The following MYCBP2 variants were observed in gnomAD, a reference collection of about 807,000 sequenced individuals.
MYCBP2 encodes the protein MYC binding protein 2.
MYCBP2 carries 120 observed loss-of-function variants against 525.3 expected under a neutral mutation model. The observed-to-expected ratio is 0.23, with a 90% CI of 0.20 to 0.27. MYCBP2 has a LOEUF of 0.27. MYCBP2 is among the 10% of genes least tolerant of loss of function. The pLI is 1.00. For synonymous variants in MYCBP2, 1,894 were observed against 1,955.8 expected (o/e 0.97, Z 0.83); for missense variants, 4,149 against 5,657.1 (o/e 0.73, Z 8.55).
Position 77,181,844 on chromosome 13 carries a change from C to T in MYCBP2, c.4798G>A (p.Val1600Ile). The T allele has an allele frequency of 6.2e-7, 1 of 1,614,078 alleles. No individual in the cohort carries two copies. Among genetic ancestry groups the T allele is most frequent in the Non-Finnish European group, 8.5e-7 (1 of 1,180,024 alleles). ...AVMSALCHTS[V>I]KLTSIFPIAY... ...ATCGGGAAGATGGAAGTCAGCTTAA[C>T]AGACGTGTGACACAGAGCTGACATA... The change falls in exon 33 of 83, where the codon GTT becomes ATT. Residue 1600 changes from valine (V) to isoleucine (I), a missense_variant. Val to Ile is a conservative substitution (Grantham distance 29). Transcript: ENST00000544440.
In MYCBP2 at chr13:77,165,424, TA is replaced by T. The variant is rs570500767; in HGVS notation, c.6341-34del. The T allele has an allele frequency of 5.4e-4, 788 of 1,449,602 alleles. 11 individuals are homozygous for T. In the South Asian group the frequency reaches 9.3e-3, roughly 17 times the overall value. 89.8% of individuals were successfully genotyped at this position (1,449,602 alleles called of 1,614,324 possible). A position where few individuals can be genotyped will look rare whatever the true frequency, so the allele number is the denominator to read the frequency against. On this transcript the variant is annotated intron_variant, in intron 41 of 82. Transcript: ENST00000544440. ...AAATGCCAGAATTGAGTTCAAACTC[TA>T]AAACAATTTTATAAAAATTTCCCTG...
At chr13:77,286,882 A>C (rs1165837059) in intron 3 of MYCBP2, among the ~76,000 whole-genome samples, 2 of 135,978 alleles carry the variant, frequency 1.5e-5, no homozygotes, top group Non-Finnish European at 3.1e-5. Flanking sequence ...GTAGTTCTAT[A>C]ATACAGGTTT....
rs1206101592 is a variant in MYCBP2 at position 77,205,383 on chromosome 13, C to T, written c.3716G>A (p.Ser1239Asn). 2 of 1,613,002 alleles carry T rather than the reference C, an allele frequency of 1.2e-6. No homozygotes were observed. Among genetic ancestry groups the T allele is most frequent in the South Asian group, 1.1e-5 (1 of 90,830 alleles). ...EDYSVVNRFE[S>N]HGGGWGYSAH... is the part of the protein sequence containing the mutation. ...AGAATAACCCCAGCCTCCTCCATGA[C>T]CTAGAATATATAAATCATAATCTAT... The change falls in exon 26 of 83, where the codon AGT becomes AAT. Residue 1239 changes from serine to asparagine, a missense_variant and splice_region_variant. By Grantham distance (46) the Ser-to-Asn change is conservative. Coordinates refer to ENST00000544440, the MANE Select transcript of MYCBP2 (RefSeq NM_015057.5).
Position 77,180,145 on chromosome 13 carries a change from C to A in MYCBP2, c.5115G>T (p.Ala1705=). 6.2e-7 allele frequency: 1 copy of A among 1,613,792 alleles called. No individual in the cohort carries two copies. The highest frequency in any genetic ancestry group is 8.5e-7 in the Non-Finnish European group (1 of 1,179,800). The change falls in exon 34 of 83, where the codon GCG becomes GCT. Residue 1705 remains alanine, a synonymous_variant. Coordinates refer to ENST00000544440, the MANE Select transcript of MYCBP2 (RefSeq NM_015057.5). Reference sequence around the variant, plus strand: ...GTATTACCTCAGATCCCAGGGCTGACGCTGTCAGTTCACTGACAATGCTGG... The same window carrying A: ...GTATTACCTCAGATCCCAGGGCTGAAGCTGTCAGTTCACTGACAATGCTGG... ...LLASIVSELT[A]SALGSEVDGL...
Position 77,168,420 on chromosome 13 carries a change from G to A in MYCBP2, c.6114+8C>T. 1 of 1,612,472 alleles carries A rather than the reference G, an allele frequency of 6.2e-7. No individual in the cohort carries two copies. Among genetic ancestry groups the A allele is most frequent in the Non-Finnish European group, 8.5e-7 (1 of 1,178,686 alleles). On this transcript the variant is annotated splice_region_variant and intron_variant, in intron 40 of 82. Coordinates refer to ENST00000544440, the MANE Select transcript of MYCBP2 (RefSeq NM_015057.5). ...TACATTCGAATCACACTAAGAACCGGTGCCTACCTTGTAATGCATCACACA... is the reference window on the plus strand; with the variant it reads ...TACATTCGAATCACACTAAGAACCGATGCCTACCTTGTAATGCATCACACA...
At chr13:77,145,681 T>C (rs970851876) in intron 48 of MYCBP2, among the ~76,000 whole-genome samples, 2 of 152,126 alleles carry the variant, frequency 1.3e-5, no homozygotes, top group Non-Finnish European at 2.9e-5. Flanking sequence ...TTTTAAGTAG[T>C]ACTGTTCCTA....
At chr13:77,069,382 G>T (rs2040743997) in intron 69 of MYCBP2, among the ~76,000 whole-genome samples, 1 of 152,156 alleles carries the variant, frequency 6.6e-6, no homozygotes, top group South Asian at 2.1e-4. Flanking sequence ...CAGCAATTTG[G>T]GAGGCCGAGG....
intron 1 of MYCBP2, among the ~76,000 whole-genome samples, chr13:77,320,355 G>C (rs2081443070): frequency 6.6e-6 from 1 of 152,174 alleles, no homozygotes; most frequent in South Asian, 2.1e-4. Flanking sequence ...CACCAATTTG[G>C]CTAATGAGGG....
At chr13:77,281,628 A>C (rs930466093) in intron 3 of MYCBP2, among the ~76,000 whole-genome samples, 1 of 152,190 alleles carries the variant, frequency 6.6e-6, no homozygotes, top group Non-Finnish European at 1.5e-5. Context: ...AGAAACATGA[A>C]GCCCAAATAA....
In MYCBP2 at chr13:77,144,480, T is replaced by C. The variant is rs1411452864; in HGVS notation, c.7268A>G (p.Tyr2423Cys). 1 of 1,613,714 alleles carries C rather than the reference T, an allele frequency of 6.2e-7. No homozygotes were observed. ...ANWTPGAIGL[Y>C]TLHVTIDGIE... is the part of the protein sequence containing the mutation. ...GCCATCAATGGTAACATGAAGAGTG[T>C]AGAGTCCAATAGCCCCTGGAGTCCA... is the stretch of plus-strand genomic sequence containing the variant. The change falls in exon 49 of 83, where the codon TAC (tyrosine) becomes TGC (cysteine). Residue 2423 changes from tyrosine (Y) to cysteine (C), a missense_variant. Coordinates refer to ENST00000544440, the MANE Select transcript of MYCBP2 (RefSeq NM_015057.5).
chr13:77,110,447 G>T (rs1303404331), intron 55 of MYCBP2, among the ~76,000 whole-genome samples: 2 of 152,150 alleles, frequency 1.3e-5, no homozygotes, highest in African/African-American at 4.8e-5. Flanking sequence ...TGTTTATCAA[G>T]ACAATACGTG....
rs972829284 is a variant in MYCBP2 at position 77,105,662 on chromosome 13, A to G, written c.8141-6649T>C. Among the ~76,000 whole-genome samples the G allele has an allele frequency of 6.6e-5, 10 of 152,146 alleles. 1 individual carries two copies. The highest frequency in any genetic ancestry group is 6.6e-4 in the Admixed American group (10 of 15,254). ...TTTTAAAAATCAATTGACAGAAATA[A>G]TAATGCTTTTACAAAATCCTGTTAA... On this transcript the variant is annotated intron_variant, in intron 55 of 82. Coordinates refer to ENST00000544440, the MANE Select transcript of MYCBP2 (RefSeq NM_015057.5).
chr13:77,195,949 G>T (rs1445911176), intron 26 of MYCBP2, among the ~76,000 whole-genome samples: 1 of 152,080 alleles, frequency 6.6e-6, no homozygotes, highest in African/African-American at 2.4e-5. Flanking sequence ...CAATATTTTT[G>T]AACACATACT....
chr13:77,280,194 T>C lies in MYCBP2; in HGVS notation c.595-1283A>G, dbSNP rs569481906. 5.3e-5 allele frequency among the ~76,000 whole-genome samples: 8 copies of C among 152,314 alleles called. No homozygotes were observed. The East Asian group carries it at 1.3e-3, about 26-fold the overall frequency. On this transcript the variant is annotated intron_variant, in intron 3 of 82. Transcript: ENST00000544440. ...ACAAGTTTTCTGGAAACAACAGATA[T>C]AGCTAAGAAGTCAAATAACTAGGAG...
intron 36 of MYCBP2, 112 bp downstream of exon 36, chr13:77,176,385 G>A (rs972027792): frequency 2.5e-5 from 21 of 837,932 alleles, no homozygotes; most frequent in Non-Finnish European, 3.5e-5. Context: ...CCATATAAAG[G>A]ATAACTTACA....
intron 4 of MYCBP2, among the ~76,000 whole-genome samples, chr13:77,276,175 G>C (rs2075555783): frequency 6.6e-6 from 1 of 152,042 alleles, no homozygotes; most frequent in African/African-American, 2.4e-5. Context: ...TAATCTAATT[G>C]AACAGAATAT....
intron 60 of MYCBP2, among the ~76,000 whole-genome samples, chr13:77,089,771 T>G (rs2045066447): frequency 6.6e-6 from 1 of 152,158 alleles, no homozygotes; most frequent in African/African-American, 2.4e-5. Context: ...TAACTGTGAA[T>G]GTGTACGTCA....
At chr13:77,223,507 C>T (rs1367825396) in intron 20 of MYCBP2, among the ~76,000 whole-genome samples, 1 of 152,158 alleles carries the variant, frequency 6.6e-6, no homozygotes, top group Non-Finnish European at 1.5e-5. Context: ...ATTCTGACTG[C>T]ATTACGTAGA....
At chr13:77,120,211 A>C (rs1555346000) in intron 55 of MYCBP2, among the ~76,000 whole-genome samples, 2 of 152,082 alleles carry the variant, frequency 1.3e-5, no homozygotes, top group Non-Finnish European at 2.9e-5. Context: ...CATAAAGAAA[A>C]CACCACCAAG....
Sources: gnomAD v4.1 joint callset for allele counts (sites outside exome capture counted in the v4.1 genomes callset) on GRCh38, gnomAD v4.1.1 for gene constraint, MANE v1.5 for transcripts, NCBI Gene and HGNC (gene_info 2026-07-23, HGNC 2026-07-21) for gene names.